Variants in AGPAT4 observed in about 807,000 individuals in gnomAD.
The protein encoded by AGPAT4 is 1-acylglycerol-3-phosphate O-acyltransferase 4.
AGPAT4 carries 15 observed loss-of-function variants against 48.0 expected under a neutral mutation model. The ratio of observed to expected loss-of-function variants is 0.31; its 90% confidence interval spans 0.21 to 0.48. The LOEUF (loss-of-function observed/expected upper bound fraction) is 0.48. AGPAT4 is among the 20% of genes least tolerant of loss of function. The pLI is 0.99. For missense variants in AGPAT4, 314 were observed against 482.5 expected, an observed-to-expected ratio of 0.65 and a Z score of 3.27; for synonymous variants, 178 against 198.7, an observed-to-expected ratio of 0.90 and a Z score of 0.88.
chr6:161,228,071 C>A (rs1032443759), intron 2 of AGPAT4, among the ~76,000 whole-genome samples: 1 of 152,108 alleles, frequency 6.6e-6, no homozygotes, highest in African/African-American at 2.4e-5. Flanking sequence ...ACCACCGGTC[C>A]CCCTGACTCT....
At position 161,206,911 on chromosome 6, in the gene AGPAT4, A is replaced by G. The variant is rs117062161; in HGVS notation, c.178+25125T>C. ...ATGGATGAGCTCAGCAGAAGAGTGA[A>G]GGAGGCAGAGGAAAGAACCAGTGAA... On this transcript the variant is annotated intron_variant, in intron 2 of 8. Transcript: ENST00000320285. The surrounding 1 kb of genome is among the most constrained non-coding windows in gnomAD (Gnocchi z 4.8). Among the ~76,000 whole-genome samples, 643 of 152,378 alleles carry G rather than the reference A, an allele frequency of 4.2e-3. 4 individuals are homozygous for G. The highest frequency in any genetic ancestry group is 6.7e-3 in the Non-Finnish European group (459 of 68,034).
rs55973440 is a variant in AGPAT4 at position 161,219,824 on chromosome 6, GAGATAGATAGAT to G, written c.178+12200_178+12211del. The stretch of plus-strand genomic sequence containing the variant: ...AGATTCACAGTAAAAAAGATAGACA[GAGATAGATAGAT>G]AGATAGATAGATAGATAGATAGATA... On this transcript the variant is annotated intron_variant, in intron 2 of 8. Coordinates refer to ENST00000320285, the MANE Select transcript of AGPAT4 (RefSeq NM_020133.3). The surrounding 1 kb of genome is among the most constrained non-coding windows in gnomAD (Gnocchi z 4.9). 8.7e-4 allele frequency among the ~76,000 whole-genome samples: 78 copies of G among 89,530 alleles called. No individual in the cohort carries two copies. The highest frequency in any genetic ancestry group is 2.7e-3 in the African/African-American group (63 of 23,634). The allele number at this position is 89,530 out of a possible 152,430, so 58.7% of individuals were successfully genotyped here.
chr6:161,231,094 ACT>A lies in AGPAT4; in HGVS notation c.178+940_178+941del, dbSNP rs1275409431. Among the ~76,000 whole-genome samples the A allele has an allele frequency of 6.6e-6, 1 of 152,130 alleles. No homozygotes were observed. The highest frequency in any genetic ancestry group is 2.4e-5 in the African/African-American group (1 of 41,418). Reference sequence around the variant, plus strand: ...ATCAAAAATATATCAATAATTTTAGACTCTTGGCATAATCTTAGTTGATGTTT... The same window carrying A: ...ATCAAAAATATATCAATAATTTTAGACTTGGCATAATCTTAGTTGATGTTT... On this transcript the variant is annotated intron_variant, in intron 2 of 8. Coordinates refer to ENST00000320285, the MANE Select transcript of AGPAT4 (RefSeq NM_020133.3). The surrounding 1 kb of genome is among the most constrained non-coding windows in gnomAD (Gnocchi z 5.3).
At chr6:161,162,718 T>G (rs1040512073) in intron 3 of AGPAT4, among the ~76,000 whole-genome samples, 3 of 152,330 alleles carry the variant, frequency 2.0e-5, no homozygotes, top group Middle Eastern at 3.4e-3. Flanking sequence ...AAGACAAATA[T>G]CCCAGTTGGC....
chr6:161,192,021 T>C (rs532082065), intron 2 of AGPAT4, among the ~76,000 whole-genome samples: 13 of 151,422 alleles, frequency 8.6e-5, no homozygotes, highest in African/African-American at 2.9e-4. Flanking sequence ...AGGATTGTCC[T>C]ATTTTGTGCA....
At position 161,238,493 on chromosome 6, in the gene AGPAT4, T is replaced by C. The variant is rs920468101; in HGVS notation, c.-89-6191A>G. 5.3e-5 allele frequency among the ~76,000 whole-genome samples: 8 copies of C among 152,244 alleles called. No individual in the cohort carries two copies. Among genetic ancestry groups the C allele is most frequent in the Non-Finnish European group, 1.0e-4 (7 of 68,040 alleles). ...ATCAAGACATTGTCTTTAATTTACC[T>C]GTAATGTGTTAAAGCATCCTCCCCC... On this transcript the variant is annotated intron_variant, in intron 1 of 8. Coordinates refer to ENST00000320285, the MANE Select transcript of AGPAT4 (RefSeq NM_020133.3). This position sits in a 1 kb window ranked among gnomAD's most constrained non-coding sequence, Gnocchi z 5.2.
In AGPAT4 at chr6:161,134,142, C is replaced by T. The variant is rs1258421204; in HGVS notation, c.*2398G>A. 6.6e-6 allele frequency: 1 copy of T among 152,176 alleles called. No homozygotes were observed. The highest frequency in any genetic ancestry group is 1.9e-4 in the East Asian group (1 of 5,190). 9.4% of individuals were successfully genotyped at this position (152,176 alleles called of 1,614,324 possible). ...ACTGATGAGAAAGAGGTCCAGATCT[C>T]TCCCCAGCACGCCACATTCTCTTTC... On this transcript the variant is annotated 3_prime_UTR_variant, in exon 9 of 9. Transcript: ENST00000320285.
intron 5 of AGPAT4, among the ~76,000 whole-genome samples, chr6:161,150,001 T>C (rs553517563): frequency 6.6e-6 from 1 of 152,300 alleles, no homozygotes; most frequent in South Asian, 2.1e-4. Context: ...AAAGTAAGGA[T>C]GTGTCTCAGT....
Position 161,219,611 on chromosome 6 carries a change from C to G in AGPAT4, c.178+12425G>C, listed in dbSNP as rs937951219. On this transcript the variant is annotated intron_variant, in intron 2 of 8. Transcript: ENST00000320285. The surrounding 1 kb of genome is among the most constrained non-coding windows in gnomAD (Gnocchi z 4.9). ...CTTCCAAAAACAAATGGGCACTTTG[C>G]GAATTAATTTATTTATAAACCATAT... 6.6e-6 allele frequency among the ~76,000 whole-genome samples: 1 copy of G among 152,012 alleles called. No individual in the cohort carries two copies. The highest frequency in any genetic ancestry group is 2.4e-5 in the African/African-American group (1 of 41,378).
chr6:161,166,494 C>A lies in AGPAT4; in HGVS notation c.179-77G>T, dbSNP rs1267753482. 6.7e-7 allele frequency: 1 copy of A among 1,484,076 alleles called. No individual in the cohort carries two copies. The highest frequency in any genetic ancestry group is 9.0e-7 in the Non-Finnish European group (1 of 1,111,102). 91.9% of individuals were successfully genotyped at this position (1,484,076 alleles called of 1,614,324 possible). Reference sequence around the variant, plus strand: ...GAGCCCTGCTGAGAGCAGGGCTCTGCCCTCCCAGCTAGGGGAGAAAGCAAC... The same window carrying A: ...GAGCCCTGCTGAGAGCAGGGCTCTGACCTCCCAGCTAGGGGAGAAAGCAAC... On this transcript the variant is annotated intron_variant, in intron 2 of 8. Transcript: ENST00000320285. The surrounding 1 kb of genome is among the most constrained non-coding windows in gnomAD (Gnocchi z 6.7).
chr6:161,195,683 C>T lies in AGPAT4; in HGVS notation c.179-29266G>A, dbSNP rs967229775. On this transcript the variant is annotated intron_variant, in intron 2 of 8. Transcript: ENST00000320285. The surrounding 1 kb of genome is among the most constrained non-coding windows in gnomAD (Gnocchi z 5.0). The stretch of plus-strand genomic sequence containing the variant: ...ATGCCTCAGTCACCTTTGACTACTC[C>T]GAAGAGGAAAGAACTCTAAGAAGGC... Among the ~76,000 whole-genome samples, 5 of 152,154 alleles carry T rather than the reference C, an allele frequency of 3.3e-5. No individual in the cohort carries two copies. The highest frequency in any genetic ancestry group is 1.3e-4 in the Admixed American group (2 of 15,272).
Position 161,136,644 on chromosome 6 carries a change from CAAG to C in AGPAT4, c.1043-13_1043-11del, listed in dbSNP as rs751266985. Reference sequence around the variant, plus strand: ...CGAACTCCCACGGAGGCTGCAGAGACAAGGAGAGCAGAGTTAGGAGTAGCCCAA... The same window carrying C: ...CGAACTCCCACGGAGGCTGCAGAGACGAGAGCAGAGTTAGGAGTAGCCCAA... On this transcript the variant is annotated splice_polypyrimidine_tract_variant and intron_variant, in intron 8 of 8. Transcript: ENST00000320285. 1.2e-6 allele frequency: 2 copies of C among 1,613,114 alleles called. No individual in the cohort carries two copies. The highest frequency in any genetic ancestry group is 1.7e-6 in the Non-Finnish European group (2 of 1,179,122).
At position 161,226,223 on chromosome 6, in the gene AGPAT4, G is replaced by A. The variant is rs1781979002; in HGVS notation, c.178+5813C>T. ...AAGGGTTAGGACAGGGGCCACTCAG[G>A]GACACTCCCTTTCTGACATCTTGGA... On this transcript the variant is annotated intron_variant, in intron 2 of 8. Coordinates refer to ENST00000320285, the MANE Select transcript of AGPAT4 (RefSeq NM_020133.3). This position sits in a 1 kb window ranked among gnomAD's most constrained non-coding sequence, Gnocchi z 6.3. Among the ~76,000 whole-genome samples the A allele has an allele frequency of 6.6e-6, 1 of 152,076 alleles. No individual in the cohort carries two copies. Among genetic ancestry groups the A allele is most frequent in the Admixed American group, 6.5e-5 (1 of 15,272 alleles).
chr6:161,268,522 T>G (rs1457599067), intron 1 of AGPAT4, among the ~76,000 whole-genome samples: 1 of 152,138 alleles, frequency 6.6e-6, no homozygotes, highest in Non-Finnish European at 1.5e-5. Context: ...AATTTTAGTG[T>G]CTGGCTTCAA....
chr6:161,260,764 A>G (rs1318972938), intron 1 of AGPAT4, among the ~76,000 whole-genome samples: 2 of 150,520 alleles, frequency 1.3e-5, no homozygotes, highest in Non-Finnish European at 3.0e-5. Flanking sequence ...GTGTGCACCC[A>G]TAGTCCCAGC....
intron 1 of AGPAT4, among the ~76,000 whole-genome samples, chr6:161,250,109 C>T (rs188830813): frequency 2.1e-3 from 271 of 131,068 alleles, no homozygotes; most frequent in African/African-American, 0.012. Context: ...CCAAACACCA[C>T]GTGTTTTCAC....
At position 161,165,345 on chromosome 6, in the gene AGPAT4, T is replaced by C. The variant is rs1348287884; in HGVS notation, c.348+903A>G. Among the ~76,000 whole-genome samples the C allele has an allele frequency of 6.6e-6, 1 of 152,184 alleles. No homozygotes were observed. Among genetic ancestry groups the C allele is most frequent in the Non-Finnish European group, 1.5e-5 (1 of 68,032 alleles). On this transcript the variant is annotated intron_variant, in intron 3 of 8. Transcript: ENST00000320285. The surrounding 1 kb of genome is among the most constrained non-coding windows in gnomAD (Gnocchi z 5.5). ...GGAACCAGACCCGTCTAGTTCCCTATGTCCTCCATGGCCTGATAGCCTCTG... is the reference window on the plus strand; with the variant it reads ...GGAACCAGACCCGTCTAGTTCCCTACGTCCTCCATGGCCTGATAGCCTCTG...
At position 161,130,126 on chromosome 6, in the gene AGPAT4, G is replaced by C. The variant is rs1351920710; in HGVS notation, c.*6414C>G. Reference sequence around the variant, plus strand: ...ACATGACAGAGCGACAGTACCCTAGGGTGACATGACAGCCCATATATCAGT... The same window carrying C: ...ACATGACAGAGCGACAGTACCCTAGCGTGACATGACAGCCCATATATCAGT... On this transcript the variant is annotated 3_prime_UTR_variant, in exon 9 of 9. Coordinates refer to ENST00000320285, the MANE Select transcript of AGPAT4 (RefSeq NM_020133.3). 1 of 152,104 alleles carries C rather than the reference G, an allele frequency of 6.6e-6. No individual in the cohort carries two copies. Among genetic ancestry groups the C allele is most frequent in the Non-Finnish European group, 1.5e-5 (1 of 68,044 alleles). The allele number at this position is 152,104 out of a possible 1,614,324, so 9.4% of individuals were successfully genotyped here.
chr6:161,227,829 G>T (rs527454612), intron 2 of AGPAT4, among the ~76,000 whole-genome samples: 1 of 152,152 alleles, frequency 6.6e-6, no homozygotes, highest in Non-Finnish European at 1.5e-5. Flanking sequence ...TTTTTTGAGC[G>T]TTACACAAAT....
Sources: gnomAD v4.1 joint callset for allele counts (sites outside exome capture counted in the v4.1 genomes callset) on GRCh38, gnomAD v4.1.1 for gene constraint, Gnocchi (gnomAD v3.1) non-coding constraint, MANE v1.5 for transcripts, NCBI Gene and HGNC (gene_info 2026-07-23, HGNC 2026-07-21) for gene names.